The following ERC2 variants were observed in gnomAD, a reference collection of about 807,000 sequenced individuals.
ERC2 encodes the protein ERC protein 2.
ERC2 carries 42 observed loss-of-function variants against 114.8 expected under a neutral mutation model. That is an observed-to-expected ratio of 0.37 (90% confidence interval 0.29 to 0.47). The LOEUF (loss-of-function observed/expected upper bound fraction) is 0.47, where lower values mean the gene tolerates loss of function less well. Among genes scored for constraint, ERC2 ranks in the 20% least tolerant of loss-of-function variants. The pLI is 0.99. For missense variants in ERC2, 939 were observed against 1,150.7 expected, an observed-to-expected ratio of 0.82 and a Z score of 2.66; for synonymous variants, 454 against 425.5, an observed-to-expected ratio of 1.07 and a Z score of -0.82.
chr3:55,942,392 C>T (rs1278991903), intron 13 of ERC2, among the ~76,000 whole-genome samples: 2 of 140,798 alleles, frequency 1.4e-5, no homozygotes, highest in Admixed American at 7.7e-5. Flanking sequence ...GGGTTCACGC[C>T]ATTCTCCTAC....
chr3:55,935,941 A>G (rs1246949969), intron 13 of ERC2, among the ~76,000 whole-genome samples: 4 of 152,272 alleles, frequency 2.6e-5, no homozygotes, highest in African/African-American at 9.6e-5. Flanking sequence ...CTGTTCAAAC[A>G]AACTTCATGA....
chr3:56,388,344 GA>G (rs1297854842), intron 2 of ERC2, among the ~76,000 whole-genome samples: 25 of 152,034 alleles, frequency 1.6e-4, no homozygotes, highest in Non-Finnish European at 2.6e-4. Context: ...AAATAACCTG[GA>G]ACTTCCTCCT....
At chr3:55,775,392 C>T (rs539745738) in intron 14 of ERC2, among the ~76,000 whole-genome samples, 3 of 151,864 alleles carry the variant, frequency 2.0e-5, no homozygotes, top group Admixed American at 6.6e-5. Context: ...ATTAGCCTGG[C>T]GCGGTTGTGC....
intron 14 of ERC2, among the ~76,000 whole-genome samples, chr3:55,825,336 A>C (rs1371834167): frequency 6.6e-6 from 1 of 152,192 alleles, no homozygotes; most frequent in Non-Finnish European, 1.5e-5. Flanking sequence ...CTAACAAATA[A>C]AACGGTTATA....
At chr3:55,910,188 G>A (rs573815310) in intron 13 of ERC2, among the ~76,000 whole-genome samples, 1 of 152,156 alleles carries the variant, frequency 6.6e-6, no homozygotes, top group East Asian at 1.9e-4. Context: ...CCAAGAGTTG[G>A]AGACCAGCCT....
intron 3 of ERC2, among the ~76,000 whole-genome samples, chr3:56,194,276 G>A (rs886903577): frequency 5.3e-5 from 8 of 152,132 alleles, no homozygotes; most frequent in Middle Eastern, 3.4e-3. Context: ...TCCAGAATCC[G>A]TGGATTAACT....
chr3:56,038,588 T>G (rs923618099), intron 7 of ERC2, among the ~76,000 whole-genome samples: 2 of 152,206 alleles, frequency 1.3e-5, no homozygotes, highest in African/African-American at 4.8e-5. Flanking sequence ...ACTGGTTATA[T>G]ACCCAAAGGA....
At chr3:55,697,159 T>C (rs1263131948) in intron 16 of ERC2, among the ~76,000 whole-genome samples, 1 of 152,198 alleles carries the variant, frequency 6.6e-6, no homozygotes, top group East Asian at 1.9e-4. Context: ...CTGTCCATCA[T>C]GCTCTTCCCC....
At chr3:56,432,071 A>C (rs1364629433) in intron 2 of ERC2, among the ~76,000 whole-genome samples, 1 of 152,262 alleles carries the variant, frequency 6.6e-6, no homozygotes, top group Non-Finnish European at 1.5e-5. Context: ...AAATGTTTTT[A>C]ATAAAAGTGG....
intron 12 of ERC2, chr3:55,955,199 A>G (rs1288921868): frequency 5.9e-6 from 3 of 512,246 alleles, no homozygotes; most frequent in African/African-American, 5.8e-5. Flanking sequence ...AGAAGGGAAT[A>G]GTTTTGGGAG....
At position 55,781,341 on chromosome 3, in the gene ERC2, A is replaced by G. The variant is rs1300541007; in HGVS notation, c.2565-46423T>C. ...GGGAATGAGACCCTCCAGCCCTGAAACCACAGGCCCTGCCCACCAGCCCTG... is the reference window on the plus strand; with the variant it reads ...GGGAATGAGACCCTCCAGCCCTGAAGCCACAGGCCCTGCCCACCAGCCCTG... On this transcript the variant is annotated intron_variant, in intron 14 of 17. Coordinates refer to ENST00000288221, the MANE Select transcript of ERC2 (RefSeq NM_015576.3). Among the ~76,000 whole-genome samples, 12 of 152,076 alleles carry G rather than the reference A, an allele frequency of 7.9e-5. 1 individual carries two copies. The highest frequency in any genetic ancestry group is 1.8e-4 in the Non-Finnish European group (12 of 68,004).
At chr3:56,194,331 A>G (rs2047966488) in intron 3 of ERC2, among the ~76,000 whole-genome samples, 1 of 152,210 alleles carries the variant, frequency 6.6e-6, no homozygotes, top group African/African-American at 2.4e-5. Context: ...TAAATTAAGG[A>G]TCTCAAGATG....
intron 1 of ERC2, among the ~76,000 whole-genome samples, chr3:56,466,076 A>C (rs1378863999): frequency 6.6e-6 from 1 of 152,258 alleles, no homozygotes; most frequent in African/African-American, 2.4e-5. Flanking sequence ...TGGGCGTAAG[A>C]ATAGTACCTA....
chr3:56,123,641 G>A (rs545673242), intron 6 of ERC2, among the ~76,000 whole-genome samples: 7 of 152,168 alleles, frequency 4.6e-5, no homozygotes, highest in Non-Finnish European at 7.3e-5. Flanking sequence ...TGGCCTCGCA[G>A]CCTCTACTCT....
rs2060267509 is a variant in ERC2, at chr3:55,824,888, A to G, written c.2564+63501T>C. 2.0e-5 allele frequency among the ~76,000 whole-genome samples: 3 copies of G among 152,206 alleles called. No individual in the cohort carries two copies. In the South Asian group the frequency reaches 6.2e-4, roughly 31 times the overall value. On this transcript the variant is annotated intron_variant, in intron 14 of 17. Coordinates refer to ENST00000288221, the MANE Select transcript of ERC2 (RefSeq NM_015576.3). Reference sequence around the variant, plus strand: ...CCCAAACGTGGTTAGCCGTTGAGATAAGTGTTTAGATTTTCTCCACAAATT... The same window carrying G: ...CCCAAACGTGGTTAGCCGTTGAGATGAGTGTTTAGATTTTCTCCACAAATT...
At chr3:56,164,225 A>C (rs2082205028) in intron 4 of ERC2, among the ~76,000 whole-genome samples, 1 of 151,898 alleles carries the variant, frequency 6.6e-6, no homozygotes. Context: ...CATCACCCAA[A>C]ATCCAGTACA....
At chr3:56,031,917 AT>A (rs2149624580) in intron 7 of ERC2, among the ~76,000 whole-genome samples, 1 of 152,258 alleles carries the variant, frequency 6.6e-6, no homozygotes, top group South Asian at 2.1e-4. Context: ...TTGATCCTCA[AT>A]CTTGGAGGTG....
intron 6 of ERC2, among the ~76,000 whole-genome samples, chr3:56,087,770 C>A (rs1029254481): frequency 6.6e-6 from 1 of 152,124 alleles, no homozygotes; most frequent in Non-Finnish European, 1.5e-5. Flanking sequence ...TTTTATTTCA[C>A]ATTCAAAGCT....
intron 3 of ERC2, among the ~76,000 whole-genome samples, chr3:56,212,794 TAC>T (rs148746898): frequency 1.6e-4 from 23 of 143,436 alleles, no homozygotes; most frequent in Middle Eastern, 3.6e-3. Flanking sequence ...CATATACATA[TAC>T]ACACACACAC....
Sources: gnomAD v4.1 joint callset for allele counts (sites outside exome capture counted in the v4.1 genomes callset) on GRCh38, gnomAD v4.1.1 for gene constraint, MANE v1.5 for transcripts, NCBI Gene and HGNC (gene_info 2026-07-23, HGNC 2026-07-21) for gene names.